The following TBC1D5 variants were observed in gnomAD, a reference collection of about 807,000 sequenced individuals.
TBC1D5 encodes the protein TBC1 domain family member 5.
In TBC1D5, 75 loss-of-function variants were observed where a neutral mutation model predicts 100.3. The ratio of observed to expected loss-of-function variants is 0.75; its 90% CI spans 0.62 to 0.91. The LOEUF (loss-of-function observed/expected upper bound fraction) is 0.91. Ranked by LOEUF, TBC1D5 falls within the 40% of genes least tolerant of loss-of-function variation. TBC1D5 has a pLI of 0.00. For synonymous variants in TBC1D5, 323 were observed against 325.6 expected, an observed-to-expected ratio of 0.99 and a Z score of 0.09; for missense variants, 910 against 942.4, an observed-to-expected ratio of 0.97 and a Z score of 0.45.
At chr3:17,547,936 A>G (rs185322571) in intron 2 of TBC1D5, among the ~76,000 whole-genome samples, 102 of 152,338 alleles carry the variant, frequency 6.7e-4, no homozygotes, top group Non-Finnish European at 1.2e-3. Flanking sequence ...TAAATTTTAT[A>G]AAACAATGAT....
chr3:17,489,038 T>C (rs34043199), intron 3 of TBC1D5, among the ~76,000 whole-genome samples: 6,449 of 151,348 alleles, frequency 0.043, 201 homozygotes, highest in Middle Eastern at 0.071. Context: ...AAAATTGTCT[T>C]CCATAAAGCC....
chr3:17,285,540 G>A (rs974307016), intron 15 of TBC1D5, among the ~76,000 whole-genome samples: 36 of 151,984 alleles, frequency 2.4e-4, no homozygotes, highest in African/African-American at 7.7e-4. Flanking sequence ...GATTACAGGC[G>A]TGAGCCACCG....
intron 2 of TBC1D5, among the ~76,000 whole-genome samples, chr3:17,525,985 T>C (rs1321494665): frequency 1.3e-5 from 2 of 152,194 alleles, no homozygotes; most frequent in African/African-American, 4.8e-5. Context: ...TCTGAAATGC[T>C]TCCTAACTTC....
intron 13 of TBC1D5, among the ~76,000 whole-genome samples, chr3:17,352,669 T>C (rs1462516951): frequency 1.2e-5 from 1 of 80,946 alleles, no homozygotes; most frequent in Non-Finnish European, 2.7e-5. Context: ...CTAACTACAA[T>C]ACAAAGCAAA....
intron 2 of TBC1D5, among the ~76,000 whole-genome samples, chr3:17,563,014 G>A (rs1415354066): frequency 2.0e-5 from 3 of 152,212 alleles, no homozygotes; most frequent in Admixed American, 6.5e-5. Flanking sequence ...ACAGATCAAC[G>A]GATTAAAACT....
intron 2 of TBC1D5, among the ~76,000 whole-genome samples, chr3:17,562,411 G>A: frequency 6.6e-6 from 1 of 150,964 alleles, no homozygotes; most frequent in Non-Finnish European, 1.5e-5. Flanking sequence ...ATTTTAAAAG[G>A]AAGACAAAAT....
At chr3:17,716,122 A>T (rs1275187240) in intron 1 of TBC1D5, among the ~76,000 whole-genome samples, 1 of 152,192 alleles carries the variant, frequency 6.6e-6, no homozygotes, top group Non-Finnish European at 1.5e-5. Context: ...TGAGGTCCTT[A>T]GATGAAATGA....
chr3:17,259,577 G>A (rs555627063), intron 15 of TBC1D5, among the ~76,000 whole-genome samples: 1 of 152,022 alleles, frequency 6.6e-6, no homozygotes, highest in South Asian at 2.1e-4. Context: ...TTTGAACCAA[G>A]GCATGCACTT....
chr3:17,305,624 C>T (rs1431861042), intron 14 of TBC1D5, among the ~76,000 whole-genome samples: 1 of 152,150 alleles, frequency 6.6e-6, no homozygotes, highest in Non-Finnish European at 1.5e-5. Flanking sequence ...TATCTCAAAA[C>T]TCAGCAAAGT....
intron 2 of TBC1D5, among the ~76,000 whole-genome samples, chr3:17,587,423 C>G (rs952298624): frequency 4.6e-5 from 7 of 151,892 alleles, no homozygotes; most frequent in Non-Finnish European, 1.0e-4. Flanking sequence ...TAACATGAAA[C>G]TGAAAAACAT....
chr3:17,250,136 C>T (rs965239603), intron 16 of TBC1D5, among the ~76,000 whole-genome samples: 4 of 152,126 alleles, frequency 2.6e-5, no homozygotes, highest in Non-Finnish European at 5.9e-5. Flanking sequence ...TGTAATAATC[C>T]CCAGTTAGAA....
intron 1 of TBC1D5, among the ~76,000 whole-genome samples, chr3:17,682,423 C>G (rs1157972630): frequency 6.6e-6 from 1 of 151,348 alleles, no homozygotes; most frequent in Non-Finnish European, 1.5e-5. Flanking sequence ...GTTCCAAAAG[C>G]CATAAAACAT....
intron 2 of TBC1D5, among the ~76,000 whole-genome samples, chr3:17,537,573 T>TA (rs764815216): frequency 8.6e-5 from 13 of 152,034 alleles, no homozygotes; most frequent in African/African-American, 3.1e-4. Flanking sequence ...CCATTCCTCC[T>TA]CCCCCCACTC....
At chr3:17,407,912 A>C (rs980908155) in intron 4 of TBC1D5, among the ~76,000 whole-genome samples, 1 of 152,168 alleles carries the variant, frequency 6.6e-6, no homozygotes, top group Non-Finnish European at 1.5e-5. Context: ...AGTTTAAAAA[A>C]TCTGGCTTTA....
At chr3:17,329,171 A>G (rs973601501) in intron 13 of TBC1D5, among the ~76,000 whole-genome samples, 2 of 152,156 alleles carry the variant, frequency 1.3e-5, no homozygotes, top group Non-Finnish European at 2.9e-5. Context: ...ATTATGGGAG[A>G]CAACTCACTT....
At chr3:17,270,248 T>C (rs2079254925) in intron 15 of TBC1D5, among the ~76,000 whole-genome samples, 1 of 151,420 alleles carries the variant, frequency 6.6e-6, no homozygotes, top group African/African-American at 2.4e-5. Context: ...TGATCAGTGA[T>C]GTTGAGCATT....
intron 1 of TBC1D5, among the ~76,000 whole-genome samples, chr3:17,677,586 G>T (rs1052236316): frequency 1.3e-5 from 2 of 150,568 alleles, no homozygotes; most frequent in African/African-American, 2.5e-5. Context: ...AAGACAGTGT[G>T]GCAATTCCTC....
At chr3:17,663,762 G>C (rs1481330317) in intron 1 of TBC1D5, among the ~76,000 whole-genome samples, 1 of 152,160 alleles carries the variant, frequency 6.6e-6, no homozygotes, top group African/African-American at 2.4e-5. Context: ...AGTAGTATAT[G>C]TAACAGTGGA....
At chr3:17,711,527 G>T (rs2074733518) in intron 1 of TBC1D5, among the ~76,000 whole-genome samples, 1 of 151,776 alleles carries the variant, frequency 6.6e-6, no homozygotes, top group African/African-American at 2.4e-5. Context: ...TTTCCTTAAT[G>T]TTTTACTCTA....
Sources: gnomAD v4.1 joint callset for allele counts (sites outside exome capture counted in the v4.1 genomes callset) on GRCh38, gnomAD v4.1.1 for gene constraint, MANE v1.5 for transcripts, NCBI Gene and HGNC (gene_info 2026-07-23, HGNC 2026-07-21) for gene names.